BDH2: variants seen among roughly 807,000 people sequenced by gnomAD.
BDH2 encodes 3-hydroxybutyrate dehydrogenase 2.
A neutral mutation model predicts 33.2 loss-of-function variants in BDH2; 24 were observed. That is an observed-to-expected ratio of 0.72 (90% CI 0.52 to 1.02). The LOEUF is 1.02. Among genes scored for constraint, BDH2 ranks in the 50% least tolerant of loss-of-function variants. The probability of loss-of-function intolerance (pLI) is 0.00; values close to 1 mark genes in which losing one functional copy is unlikely to be tolerated. For synonymous variants in BDH2, 81 were observed against 101.6 expected, an observed-to-expected ratio of 0.80 and a Z score of 1.22; for missense variants, 249 against 301.6, an observed-to-expected ratio of 0.83 and a Z score of 1.29.
At chr4:103,082,657 A>C in intron 8 of BDH2, among the ~76,000 whole-genome samples, 1 of 152,024 alleles carries the variant, frequency 6.6e-6, no homozygotes, top group Non-Finnish European at 1.5e-5. Context: ...CCTGGGCTCA[A>C]GCGATCCCCC....
At chr4:103,080,830 C>T (rs1306365800) in intron 9 of BDH2, among the ~76,000 whole-genome samples, 2 of 152,182 alleles carry the variant, frequency 1.3e-5, no homozygotes, top group African/African-American at 4.8e-5. Flanking sequence ...TCTGAAGATA[C>T]GGATTCAGAG....
At chr4:103,082,777 T>C in intron 8 of BDH2, 94 bp downstream of exon 8, 1 of 1,136,562 alleles carries the variant, frequency 8.8e-7, no homozygotes, top group Non-Finnish European at 1.3e-6. Context: ...CAACTACCAT[T>C]TCACTTTCTG....
chr4:103,082,019 T>G, intron 9 of BDH2, 62 bp downstream of exon 9: 2 of 1,331,256 alleles, frequency 1.5e-6, no homozygotes, highest in Non-Finnish European at 2.2e-6. Flanking sequence ...ATTATTTTGA[T>G]GAGCAAATTG....
intron 4 of BDH2, 149 bp from the exon 5 acceptor site, chr4:103,091,434 A>G (rs1386121383): frequency 3.5e-6 from 2 of 579,252 alleles, no homozygotes; most frequent in Non-Finnish European, 6.2e-6. Flanking sequence ...CACTTAGTAT[A>G]TTATATTAGT....
At chr4:103,096,985 A>G (rs1454880835) in intron 1 of BDH2, among the ~76,000 whole-genome samples, 1 of 152,116 alleles carries the variant, frequency 6.6e-6, no homozygotes, top group African/African-American at 2.4e-5. Context: ...CTTACTACTC[A>G]GGGCTGCTTC....
chr4:103,095,433 C>T, intron 2 of BDH2, 152 bp from the exon 3 acceptor site: 1 of 576,772 alleles, frequency 1.7e-6, no homozygotes, highest in Non-Finnish European at 3.1e-6. Flanking sequence ...TAGTCTTACC[C>T]CTTCTCCATT....
intron 4 of BDH2, 84 bp from the exon 5 acceptor site, chr4:103,091,369 G>T (rs1748079842): frequency 1.2e-6 from 1 of 845,604 alleles, no homozygotes. Context: ...TTGTCACTTA[G>T]TGACTTAGAC....
chr4:103,091,801 A>G (rs1748111262), intron 4 of BDH2: 1 of 452,748 alleles, frequency 2.2e-6, no homozygotes, highest in Admixed American at 2.4e-5. Flanking sequence ...TGTGATTCCT[A>G]TTTCAAGAGC....
At chr4:103,091,604 G>A (rs2125808655) in intron 4 of BDH2, 2 of 420,336 alleles carry the variant, frequency 4.8e-6, no homozygotes, top group Non-Finnish European at 9.3e-6. Flanking sequence ...ACAGGGCTAG[G>A]CATGGTAGCA....
In BDH2 at chr4:103,086,526, T is replaced by C; in HGVS notation, c.372A>G (p.Lys124=). The change falls in exon 6 of 10, where the codon AAA becomes AAG. Residue 124 remains lysine, a synonymous_variant. Transcript: ENST00000296424. The part of the protein sequence containing the change: ...KAFLPKMLAQ[K]SGNIINMSSV... ...AAGACATGTTGATAATATTGCCAGATTTCTGAGCAAGCATCTGCCAAAACA... is the reference window on the plus strand; with the variant it reads ...AAGACATGTTGATAATATTGCCAGACTTCTGAGCAAGCATCTGCCAAAACA... The C allele has an allele frequency of 6.2e-7, 1 of 1,610,516 alleles. No individual in the cohort carries two copies. Among genetic ancestry groups the C allele is most frequent in the African/African-American group, 1.3e-5 (1 of 74,794 alleles).
At chr4:103,082,650 G>A (rs1747577883) in intron 8 of BDH2, among the ~76,000 whole-genome samples, 1 of 151,978 alleles carries the variant, frequency 6.6e-6, no homozygotes, top group African/African-American at 2.4e-5. Flanking sequence ...TCAAACTCCT[G>A]GGCTCAAGCG....
At chr4:103,085,200 T>G in intron 7 of BDH2, 149 bp downstream of exon 7, 1 of 631,950 alleles carries the variant, frequency 1.6e-6, no homozygotes, top group South Asian at 2.0e-5. Context: ...AAAATATTTA[T>G]GGCTTTGAGA....
Position 103,087,724 on chromosome 4 carries a change from T to C in BDH2, c.358-1184A>G, listed in dbSNP as rs548643606. Among the ~76,000 whole-genome samples, 8 of 152,326 alleles carry C rather than the reference T, an allele frequency of 5.3e-5. No individual in the cohort carries two copies. In the East Asian group the frequency reaches 1.5e-3, roughly 29 times the overall value. On this transcript the variant is annotated intron_variant, in intron 5 of 9. Coordinates refer to ENST00000296424, the MANE Select transcript of BDH2 (RefSeq NM_020139.4). Reference sequence around the variant, plus strand: ...ACACAGATTGCTGGGCCCTGTCCTATAGCTAAATAAATATATAATAAAGAA... The same window carrying C: ...ACACAGATTGCTGGGCCCTGTCCTACAGCTAAATAAATATATAATAAAGAA...
chr4:103,087,385 C>T (rs1394474997), intron 5 of BDH2, among the ~76,000 whole-genome samples: 1 of 151,982 alleles, frequency 6.6e-6, no homozygotes, highest in African/African-American at 2.4e-5. Context: ...ACTGTGGTGC[C>T]CAGAGACTAG....
intron 7 of BDH2, among the ~76,000 whole-genome samples, 178 bp from the exon 8 acceptor site, chr4:103,083,107 A>G (rs1297300952): frequency 2.6e-5 from 4 of 152,164 alleles, no homozygotes; most frequent in Non-Finnish European, 4.4e-5. Context: ...CTTCAATAAC[A>G]TTTCTATGAT....
intron 3 of BDH2, among the ~76,000 whole-genome samples, chr4:103,094,663 TAAA>T (rs1436644995): frequency 6.6e-6 from 1 of 152,054 alleles, no homozygotes; most frequent in Non-Finnish European, 1.5e-5. Context: ...ATAATTTAAA[TAAA>T]AAATTTAGTA....
At chr4:103,082,809 T>C in intron 8 of BDH2, 62 bp downstream of exon 8, 3 of 1,383,448 alleles carry the variant, frequency 2.2e-6, no homozygotes. Context: ...TTGTCTGCTA[T>C]AGGTATGGAA....
chr4:103,086,457 T>C (rs1478191126), intron 6 of BDH2, 23 bp downstream of exon 6: 1 of 1,609,822 alleles, frequency 6.2e-7, no homozygotes, highest in Non-Finnish European at 8.5e-7. Context: ...AGCATCGCAG[T>C]CCTCGGAAGG....
Position 103,079,089 on chromosome 4 carries a change from A to G in BDH2, c.*613T>C, listed in dbSNP as rs1747388820. On this transcript the variant is annotated 3_prime_UTR_variant, in exon 10 of 10. Transcript: ENST00000296424. ...GTATATGCTGCAATGGCCTATTTGT[A>G]TCACCCCAGAGTCATGTGTTGACAT... 6.6e-6 allele frequency among the ~76,000 whole-genome samples: 1 copy of G among 152,214 alleles called. No homozygotes were observed. Among genetic ancestry groups the G allele is most frequent in the South Asian group, 2.1e-4 (1 of 4,830 alleles).
Sources: gnomAD v4.1 joint callset for allele counts (sites outside exome capture counted in the v4.1 genomes callset) on GRCh38, gnomAD v4.1.1 for gene constraint, MANE v1.5 for transcripts, NCBI Gene and HGNC (gene_info 2026-07-23, HGNC 2026-07-21) for gene names.